CAMK4: variants seen among roughly 807,000 people sequenced by gnomAD.
CAMK4 encodes the protein calcium/calmodulin dependent protein kinase IV.
Under a neutral mutation model 44.9 loss-of-function variants are expected in CAMK4, and 22 were observed. The observed-to-expected ratio is 0.49, with a 90% CI of 0.35 to 0.70. CAMK4 has a LOEUF of 0.70. Among genes scored for constraint, CAMK4 ranks in the 30% least tolerant of loss-of-function variants. CAMK4 has a pLI of 0.01. For synonymous variants in CAMK4, 218 were observed against 215.4 expected (o/e 1.01, Z -0.11); for missense variants, 498 against 586.8 (o/e 0.85, Z 1.56).
chr5:111,261,877 T>A (rs1335640095), intron 1 of CAMK4, among the ~76,000 whole-genome samples: 2 of 152,014 alleles, frequency 1.3e-5, no homozygotes, highest in African/African-American at 4.8e-5. Flanking sequence ...TTAAAAGTAT[T>A]TTTTTTTCCT....
chr5:111,447,997 C>G (rs1754087057), intron 6 of CAMK4, among the ~76,000 whole-genome samples: 2 of 152,190 alleles, frequency 1.3e-5, no homozygotes, highest in Admixed American at 1.3e-4. Context: ...GGTTTTCTTT[C>G]TGAAGGGCTT....
chr5:111,369,125 G>A (rs1750908454), intron 2 of CAMK4, among the ~76,000 whole-genome samples: 1 of 151,412 alleles, frequency 6.6e-6, no homozygotes, highest in Non-Finnish European at 1.5e-5. Context: ...GAGTGCAGTG[G>A]CACAAGCTCA....
intron 5 of CAMK4, among the ~76,000 whole-genome samples, chr5:111,421,262 C>G (rs1301917650): frequency 6.6e-6 from 1 of 152,200 alleles, no homozygotes; most frequent in African/African-American, 2.4e-5. Flanking sequence ...CTGCGCCTGT[C>G]ATGGAAACAG....
chr5:111,284,190 T>C (rs1226149008), intron 1 of CAMK4, among the ~76,000 whole-genome samples: 1 of 152,178 alleles, frequency 6.6e-6, no homozygotes, highest in African/African-American at 2.4e-5. Flanking sequence ...AAATTTTAAA[T>C]ATCTAGATTG....
At chr5:111,386,618 G>A (rs1373804292) in intron 4 of CAMK4, among the ~76,000 whole-genome samples, 1 of 152,208 alleles carries the variant, frequency 6.6e-6, no homozygotes, top group African/African-American at 2.4e-5. Flanking sequence ...ATATGTTACA[G>A]CAGCTCCATA....
At position 111,275,902 on chromosome 5, in the gene CAMK4, A is replaced by G. The variant is rs1750741256; in HGVS notation, c.161+51258A>G. ...AGTCACATATACCCCCAAAATAGGT[A>G]CAACTCTGATATATCAATTTTAAAA... On this transcript the variant is annotated intron_variant, in intron 1 of 10. Coordinates refer to ENST00000282356, the MANE Select transcript of CAMK4 (RefSeq NM_001744.6). 2.6e-5 allele frequency among the ~76,000 whole-genome samples: 4 copies of G among 152,144 alleles called. No homozygotes were observed. In the South Asian group the frequency reaches 8.3e-4, roughly 32 times the overall value.
At chr5:111,363,646 C>T (rs1203744125) in intron 2 of CAMK4, among the ~76,000 whole-genome samples, 1 of 151,822 alleles carries the variant, frequency 6.6e-6, no homozygotes, top group Non-Finnish European at 1.5e-5. Context: ...GATGGAGTGG[C>T]CAGGAAAGGC....
intron 1 of CAMK4, among the ~76,000 whole-genome samples, chr5:111,333,002 A>C (rs1650782): frequency 0.42 from 63,653 of 151,524 alleles, 13,918 homozygotes; most frequent in South Asian, 0.58. Flanking sequence ...AATAATAGAT[A>C]TCAACATCAT....
chr5:111,471,352 A>G (rs574260433), intron 7 of CAMK4, among the ~76,000 whole-genome samples: 2 of 152,342 alleles, frequency 1.3e-5, no homozygotes, highest in African/African-American at 4.8e-5. Context: ...TTTCTCAAAA[A>G]TTGATGTGGA....
chr5:111,244,909 A>C (rs924820011), intron 1 of CAMK4, among the ~76,000 whole-genome samples: 2 of 152,060 alleles, frequency 1.3e-5, no homozygotes, highest in African/African-American at 4.8e-5. Context: ...CATAACATAA[A>C]ATAAATCCTT....
At chr5:111,357,815 T>C (rs931139694) in intron 2 of CAMK4, 2 of 152,082 alleles carry the variant, frequency 1.3e-5, no homozygotes, top group Non-Finnish European at 2.9e-5. Context: ...CACTATGTAA[T>C]GTAGTGCCGC....
intron 1 of CAMK4, among the ~76,000 whole-genome samples, chr5:111,227,678 A>T (rs1249150162): frequency 6.6e-6 from 1 of 152,238 alleles, no homozygotes; most frequent in Non-Finnish European, 1.5e-5. Flanking sequence ...ACTGATCCAC[A>T]TGGAGCCATT....
intron 9 of CAMK4, among the ~76,000 whole-genome samples, chr5:111,480,249 A>AACACACAC (rs532395570): frequency 0.26 from 31,319 of 121,034 alleles, 4,545 homozygotes; most frequent in Admixed American, 0.31. Flanking sequence ...TAGGCATGTA[A>AACACACAC]ACACACACAC....
rs1751232987 is a variant in CAMK4, at chr5:111,376,886, C to T, written c.330C>T (p.Thr110=). The T allele has an allele frequency of 2.5e-6, 4 of 1,599,964 alleles. No individual in the cohort carries two copies. In the South Asian group the frequency reaches 3.3e-5, roughly 13 times the overall value. The change falls in exon 4 of 11, where the codon ACC becomes ACT. Residue 110 remains threonine (T), a synonymous_variant. Coordinates refer to ENST00000282356, the MANE Select transcript of CAMK4 (RefSeq NM_001744.6). ...TAAAACTTAAAGAGATATTTGAAAC[C>T]CCTACAGAAATCAGTCTGGTCCTAG... ...NIIKLKEIFE[T]PTEISLVLEL...
chr5:111,369,950 A>G (rs1203776738), intron 2 of CAMK4, among the ~76,000 whole-genome samples: 1 of 152,088 alleles, frequency 6.6e-6, no homozygotes. Flanking sequence ...TGAATAGAAG[A>G]TGCCGAACCC....
At chr5:111,269,809 A>G (rs1750424950) in intron 1 of CAMK4, among the ~76,000 whole-genome samples, 1 of 152,170 alleles carries the variant, frequency 6.6e-6, no homozygotes, top group South Asian at 2.1e-4. Flanking sequence ...TTTGGCATAC[A>G]AGGCTGTCCA....
rs73788848 is a variant in CAMK4, at chr5:111,367,450, A to G, written c.241-7400A>G. Among the ~76,000 whole-genome samples the G allele has an allele frequency of 6.9e-3, 1,046 of 152,186 alleles. 14 individuals are homozygous for G. The highest frequency in any genetic ancestry group is 0.024 in the African/African-American group (993 of 41,540). On this transcript the variant is annotated intron_variant, in intron 2 of 10. Transcript: ENST00000282356. ...ACATGAACTTTTGGAGGATGCATTC[A>G]AATCATAGCACCTAGTAACAGATAA...
At chr5:111,320,707 T>C (rs1722781307) in intron 1 of CAMK4, among the ~76,000 whole-genome samples, 1 of 152,092 alleles carries the variant, frequency 6.6e-6, no homozygotes, top group Non-Finnish European at 1.5e-5. Flanking sequence ...GGTTTCACCA[T>C]GTTGGTCAGG....
intron 5 of CAMK4, among the ~76,000 whole-genome samples, chr5:111,420,182 G>C (rs960235006): frequency 6.6e-6 from 1 of 151,460 alleles, no homozygotes; most frequent in African/African-American, 2.4e-5. Flanking sequence ...TGGATTCCTA[G>C]GTATTTTATT....
Sources: gnomAD v4.1 joint callset for allele counts (sites outside exome capture counted in the v4.1 genomes callset) on GRCh38, gnomAD v4.1.1 for gene constraint, MANE v1.5 for transcripts, NCBI Gene and HGNC (gene_info 2026-07-23, HGNC 2026-07-21) for gene names.